The following CLIC4 variants were observed in gnomAD, a reference collection of about 807,000 sequenced individuals.
CLIC4 encodes the protein chloride intracellular channel protein 4.
CLIC4 carries 13 observed loss-of-function variants against 24.6 expected under a neutral mutation model. That is an observed-to-expected ratio of 0.53 (90% CI 0.34 to 0.84). The LOEUF is 0.84. Ranked by LOEUF, CLIC4 falls within the 40% of genes least tolerant of loss-of-function variation. The pLI is 0.01. For synonymous variants in CLIC4, 104 were observed against 111.3 expected (o/e 0.93, Z 0.41); for missense variants, 227 against 301.7 (o/e 0.75, Z 1.83).
intron 3 of CLIC4, among the ~76,000 whole-genome samples, chr1:24,814,430 G>A (rs1354283567): frequency 1.3e-5 from 2 of 152,174 alleles, no homozygotes; most frequent in Non-Finnish European, 2.9e-5. Context: ...CTAAGCTGTA[G>A]AATATGTGGT....
intron 4 of CLIC4, among the ~76,000 whole-genome samples, chr1:24,828,509 C>T (rs961121691): frequency 6.6e-6 from 1 of 152,240 alleles, no homozygotes; most frequent in South Asian, 2.1e-4. Context: ...ATAAAACTAC[C>T]CTTTTATACT....
intron 4 of CLIC4, among the ~76,000 whole-genome samples, chr1:24,836,648 G>A (rs1347451391): frequency 6.6e-6 from 1 of 152,062 alleles, no homozygotes; most frequent in Non-Finnish European, 1.5e-5. Flanking sequence ...GACCAACTTT[G>A]GCAACATAGC....
In CLIC4 at chr1:24,827,090, A is replaced by G; in HGVS notation, c.389A>G (p.Lys130Arg). The G allele has an allele frequency of 3.7e-6, 6 of 1,609,306 alleles. 1 individual carries two copies. The South Asian group carries it at 5.6e-5, about 15-fold the overall frequency. ...TTTGCCAAATTCTCTGCATATATCA[A>G]GAATTCAAGGCCAGAGGCTAATGAA... is the stretch of plus-strand genomic sequence containing the variant. ...DIFAKFSAYI[K>R]NSRPEANEAL... Residue 130 changes from lysine to arginine, a missense_variant, in exon 4 of 6, where the codon AAG (lysine) becomes AGG (arginine). Lys to Arg is a conservative substitution (Grantham distance 26, BLOSUM62 2). Coordinates refer to ENST00000374379, the MANE Select transcript of CLIC4 (RefSeq NM_013943.3).
intron 4 of CLIC4, among the ~76,000 whole-genome samples, chr1:24,839,185 T>C (rs1031724186): frequency 1.3e-5 from 2 of 152,210 alleles, no homozygotes; most frequent in Non-Finnish European, 2.9e-5. Flanking sequence ...AATCTGCCTC[T>C]AAGATTTTTT....
chr1:24,816,615 A>C (rs1008960474), intron 3 of CLIC4, among the ~76,000 whole-genome samples: 1 of 152,178 alleles, frequency 6.6e-6, no homozygotes, highest in Non-Finnish European at 1.5e-5. Context: ...CAGATCCATC[A>C]GAGGAATCAC....
At chr1:24,814,348 T>A (rs1237578338) in intron 3 of CLIC4, 129 bp downstream of exon 3, 2 of 1,051,906 alleles carry the variant, frequency 1.9e-6, no homozygotes, top group South Asian at 1.6e-5. Flanking sequence ...TTCTTATAAT[T>A]AATGCTACAC....
chr1:24,749,831 A>C (rs1638751837), intron 1 of CLIC4, among the ~76,000 whole-genome samples: 1 of 152,176 alleles, frequency 6.6e-6, no homozygotes, highest in African/African-American at 2.4e-5. Flanking sequence ...ACAGTGGCTC[A>C]CGCCTGTAAT....
At position 24,841,053 on chromosome 1, in the gene CLIC4, A is replaced by G. The variant is rs1160588899; in HGVS notation, c.*116A>G. 1.0e-4 allele frequency: 82 copies of G among 807,818 alleles called. No individual in the cohort carries two copies. Among genetic ancestry groups the G allele is most frequent in the Non-Finnish European group, 6.6e-5 (34 of 517,560 alleles). The allele number at this position is 807,818 out of a possible 1,614,324, so 50.0% of individuals were successfully genotyped here. A position where few individuals can be genotyped will look rare whatever the true frequency, so the allele number is the denominator to read the frequency against. ...ATTTTGCACGAACATGCAGTTATTG[A>G]AGATTAGGATCAAGGATAGACAAGG... is the stretch of plus-strand genomic sequence containing the variant. On this transcript the variant is annotated 3_prime_UTR_variant, in exon 6 of 6. Coordinates refer to ENST00000374379, the MANE Select transcript of CLIC4 (RefSeq NM_013943.3).
At chr1:24,780,523 T>C (rs1040240785) in intron 1 of CLIC4, among the ~76,000 whole-genome samples, 1 of 152,262 alleles carries the variant, frequency 6.6e-6, no homozygotes, top group Non-Finnish European at 1.5e-5. Context: ...TTTGCATGGC[T>C]GTTTCCTTCT....
In CLIC4 at chr1:24,840,804, T is replaced by C; in HGVS notation, c.629T>C (p.Ile210Thr). The change falls in exon 6 of 6, where the codon ATT becomes ACT. Residue 210 changes from isoleucine to threonine, a missense_variant. Physicochemically the swap from Ile to Thr is moderately conservative, Grantham distance 89. Transcript: ENST00000374379. Reference sequence around the variant, plus strand: ...GCCAAAAAATATCGCAACTTTGATATTCCAAAAGAAATGACTGGCATCTGG... The same window carrying C: ...GCCAAAAAATATCGCAACTTTGATACTCCAAAAGAAATGACTGGCATCTGG... ...VVAKKYRNFD[I>T]PKEMTGIWRY... The C allele has an allele frequency of 1.9e-6, 3 of 1,608,806 alleles. No homozygotes were observed. Among genetic ancestry groups the C allele is most frequent in the African/African-American group, 1.3e-5 (1 of 74,780 alleles).
chr1:24,835,839 A>G (rs1311067380), intron 4 of CLIC4, among the ~76,000 whole-genome samples: 3 of 152,212 alleles, frequency 2.0e-5, no homozygotes, highest in Non-Finnish European at 4.4e-5. Flanking sequence ...TGGACAAATA[A>G]GAAGTATATA....
chr1:24,769,631 A>G (rs1484036431), intron 1 of CLIC4, among the ~76,000 whole-genome samples: 3 of 152,214 alleles, frequency 2.0e-5, no homozygotes, highest in Non-Finnish European at 4.4e-5. Flanking sequence ...TCACCCTGAA[A>G]AAAAAATTCT....
chr1:24,836,565 C>T (rs1380258322), intron 4 of CLIC4, among the ~76,000 whole-genome samples: 1 of 152,160 alleles, frequency 6.6e-6, no homozygotes, highest in African/African-American at 2.4e-5. Context: ...GAACGGGGCA[C>T]AGTGGCTCAT....
chr1:24,787,743 C>T (rs1225014219), intron 1 of CLIC4, among the ~76,000 whole-genome samples: 28 of 147,016 alleles, frequency 1.9e-4, no homozygotes, highest in African/African-American at 6.5e-4. Flanking sequence ...GATGGGGTTT[C>T]ACCGTGTTAG....
At chr1:24,785,886 A>T (rs1037774476) in intron 1 of CLIC4, among the ~76,000 whole-genome samples, 1 of 151,638 alleles carries the variant, frequency 6.6e-6, no homozygotes, top group African/African-American at 2.4e-5. Context: ...AGAAAAGAAA[A>T]AAAGAAAAAC....
intron 3 of CLIC4, among the ~76,000 whole-genome samples, chr1:24,818,961 A>T (rs183916762): frequency 9.9e-4 from 150 of 152,066 alleles, no homozygotes; most frequent in Non-Finnish European, 1.9e-3. Flanking sequence ...ATTATTATTA[A>T]TATTATATGT....
rs1638674218 is a variant in CLIC4, at chr1:24,745,473, C to T, written c.-81C>T. 3 of 1,342,846 alleles carry T rather than the reference C, an allele frequency of 2.2e-6. No homozygotes were observed. The highest frequency in any genetic ancestry group is 2.8e-5 in the East Asian group (1 of 35,990). The allele number at this position is 1,342,846 out of a possible 1,614,324, so 83.2% of individuals were successfully genotyped here. On this transcript the variant is annotated 5_prime_UTR_variant, in exon 1 of 6. Coordinates refer to ENST00000374379, the MANE Select transcript of CLIC4 (RefSeq NM_013943.3). The stretch of plus-strand genomic sequence containing the variant: ...GTCCAGCGAGCAGCACGGCGGGAAC[C>T]GGCAGCCGGAGCAGTCCCGGAGCAG...
chr1:24,782,726 T>G (rs1011079927), intron 1 of CLIC4, among the ~76,000 whole-genome samples: 1 of 152,136 alleles, frequency 6.6e-6, no homozygotes, highest in Admixed American at 6.5e-5. Context: ...GGCTCTGTAA[T>G]CCCACCGCTT....
intron 3 of CLIC4, among the ~76,000 whole-genome samples, chr1:24,826,785 C>G (rs922915020): frequency 6.6e-6 from 1 of 152,120 alleles, no homozygotes; most frequent in Non-Finnish European, 1.5e-5. Flanking sequence ...AGTGCACATG[C>G]CCTGTGGTTG....
Sources: gnomAD v4.1 joint callset for allele counts (sites outside exome capture counted in the v4.1 genomes callset) on GRCh38, gnomAD v4.1.1 for gene constraint, MANE v1.5 for transcripts, NCBI Gene and HGNC (gene_info 2026-07-23, HGNC 2026-07-21) for gene names.